SYNPO2: variants seen among roughly 807,000 people sequenced by gnomAD.
The protein encoded by SYNPO2 is synaptopodin-2.
Under a neutral mutation model 85.0 loss-of-function variants are expected in SYNPO2, and 56 were observed. The observed-to-expected ratio is 0.66, with a 90% CI of 0.53 to 0.82. SYNPO2 has a LOEUF of 0.82. Among genes scored for constraint, SYNPO2 ranks in the 40% least tolerant of loss-of-function variants. SYNPO2 has a pLI of 0.00. For synonymous variants in SYNPO2, 602 were observed against 591.1 expected, an observed-to-expected ratio of 1.02 and a Z score of -0.27; for missense variants, 1,575 against 1,534.2, an observed-to-expected ratio of 1.03 and a Z score of -0.44.
chr4:119,033,884 A>G (rs1738387547), intron 4 of SYNPO2: 1 of 985,230 alleles, frequency 1.0e-6, no homozygotes. Flanking sequence ...TGTAATCCTT[A>G]GGTATTTCTA....
At chr4:119,049,215 G>A (rs1288672487) in intron 4 of SYNPO2, among the ~76,000 whole-genome samples, 1 of 152,212 alleles carries the variant, frequency 6.6e-6, no homozygotes, top group East Asian at 1.9e-4. Context: ...GAGAATATCT[G>A]TGGTTTCTTC....
chr4:118,938,994 G>A (rs904405987), intron 1 of SYNPO2, among the ~76,000 whole-genome samples: 3 of 152,092 alleles, frequency 2.0e-5, no homozygotes, highest in Admixed American at 6.5e-5. Context: ...ACCTTCATCA[G>A]GGTACAGTAA....
intron 1 of SYNPO2, among the ~76,000 whole-genome samples, chr4:118,968,881 C>A (rs1446361452): frequency 6.6e-6 from 1 of 152,142 alleles, no homozygotes; most frequent in African/African-American, 2.4e-5. Context: ...AATTCCTTGG[C>A]CTTTGAACCC....
At chr4:119,034,360 G>T (rs1263082407) in intron 4 of SYNPO2, 2 of 976,616 alleles carry the variant, frequency 2.0e-6, no homozygotes, top group Non-Finnish European at 2.4e-6. Context: ...AGTATTTCCA[G>T]TTGTCTAGTG....
At chr4:118,933,829 G>GTTTTTTTT (rs71595334) in intron 1 of SYNPO2, among the ~76,000 whole-genome samples, 2,809 of 100,632 alleles carry the variant, frequency 0.028, 46 homozygotes, top group Non-Finnish European at 0.036. Context: ...TGTTGTTGTT[G>GTTTTTTTT]TTTTTTTTTT....
At chr4:119,056,486 G>A (rs776521373) in intron 4 of SYNPO2, among the ~76,000 whole-genome samples, 35 of 152,116 alleles carry the variant, frequency 2.3e-4, no homozygotes, top group Non-Finnish European at 4.0e-4. Flanking sequence ...GAGCCCAGGA[G>A]TTTGAGGCTG....
At chr4:118,868,552 A>G (rs891333530) in intron 1 of SYNPO2, among the ~76,000 whole-genome samples, 4 of 152,214 alleles carry the variant, frequency 2.6e-5, no homozygotes, top group Non-Finnish European at 4.4e-5. Context: ...ATTTTAAATC[A>G]TTTAAGAGAA....
At chr4:118,901,026 A>G (rs960219946) in intron 1 of SYNPO2, among the ~76,000 whole-genome samples, 2 of 151,994 alleles carry the variant, frequency 1.3e-5, no homozygotes, top group African/African-American at 4.8e-5. Flanking sequence ...TTATCCAACC[A>G]TACAGGAAAC....
At chr4:118,879,621 T>C (rs909813122) in intron 1 of SYNPO2, among the ~76,000 whole-genome samples, 1 of 152,078 alleles carries the variant, frequency 6.6e-6, no homozygotes, top group Non-Finnish European at 1.5e-5. Context: ...GGGAAACACA[T>C]TTTTGTGGTT....
intron 1 of SYNPO2, among the ~76,000 whole-genome samples, chr4:118,984,806 T>C (rs1736155432): frequency 6.6e-6 from 1 of 152,226 alleles, no homozygotes; most frequent in African/African-American, 2.4e-5. Context: ...TATCTTTGTA[T>C]ATTTTGCACT....
chr4:118,967,640 G>A (rs538595950), intron 1 of SYNPO2, among the ~76,000 whole-genome samples: 3 of 152,290 alleles, frequency 2.0e-5, no homozygotes, highest in East Asian at 3.9e-4. Flanking sequence ...TTGGGGAAAC[G>A]GGTATAGCAC....
rs147844053 is a variant in SYNPO2 at position 118,891,396 on chromosome 4, G to A, written c.105+2255G>A. Among the ~76,000 whole-genome samples, 331 of 152,220 alleles carry A rather than the reference G, an allele frequency of 2.2e-3. 1 individual carries two copies. The highest frequency in any genetic ancestry group is 6.8e-3 in the African/African-American group (282 of 41,552). On this transcript the variant is annotated intron_variant, in intron 1 of 4. Coordinates refer to ENST00000307142, the MANE Select transcript of SYNPO2 (RefSeq NM_133477.3). ...TCTACAGTCTACCTTTTGTCCATAC[G>A]TTAAAAAGACTAAAGAGCTATCTAT... is the stretch of plus-strand genomic sequence containing the variant.
intron 4 of SYNPO2, among the ~76,000 whole-genome samples, chr4:119,045,045 A>G (rs1171082224): frequency 6.6e-6 from 1 of 152,240 alleles, no homozygotes; most frequent in Non-Finnish European, 1.5e-5. Flanking sequence ...CAAGTTTGTT[A>G]CATGGTATGC....
At chr4:118,900,753 A>G (rs1578532365) in intron 1 of SYNPO2, among the ~76,000 whole-genome samples, 1 of 130,344 alleles carries the variant, frequency 7.7e-6, no homozygotes, top group South Asian at 2.4e-4. Flanking sequence ...CTATCTATCT[A>G]TCTATCTATC....
Position 119,032,554 on chromosome 4 carries a change from A to G in SYNPO2, c.3252+527A>G, listed in dbSNP as rs111504440. On this transcript the variant is annotated intron_variant, in intron 4 of 4. Coordinates refer to ENST00000307142, the MANE Select transcript of SYNPO2 (RefSeq NM_133477.3). ...GACAGGGAGCAGCTCTGGTCTGTCA[A>G]TCTCAGCCACCTGTTTGATATCACA... is the stretch of plus-strand genomic sequence containing the variant. The G allele has an allele frequency of 5.1e-3, 5,060 of 996,818 alleles. 22 individuals carry two copies. The highest frequency in any genetic ancestry group is 5.7e-3 in the Non-Finnish European group (4,786 of 835,590). 61.7% of individuals were successfully genotyped at this position (996,818 alleles called of 1,614,324 possible). A position where few individuals can be genotyped will look rare whatever the true frequency, so the allele number is the denominator to read the frequency against.
At chr4:118,999,716 G>A (rs1342957554) in intron 1 of SYNPO2, among the ~76,000 whole-genome samples, 3 of 152,094 alleles carry the variant, frequency 2.0e-5, no homozygotes, top group Non-Finnish European at 4.4e-5. Context: ...AGAATAATCA[G>A]GTGAAGGGCT....
chr4:119,030,396 GA>G lies in SYNPO2; in HGVS notation c.1623del (p.Glu542SerfsTer3). On this transcript the variant is annotated frameshift_variant, in exon 4 of 5. Transcript: ENST00000307142. LOFTEE classifies it high-confidence loss of function. ...RTTTSYQRKE[E>X]ESVRTQSSVS... ...CACGACTTCTTACCAAAGAAAGGAG[GA>G]AGAGTCGGTAAGAACGCAGAGCTCT... 6.2e-7 allele frequency: 1 copy of G among 1,614,148 alleles called. No individual in the cohort carries two copies. The highest frequency in any genetic ancestry group is 8.5e-7 in the Non-Finnish European group (1 of 1,180,024).
At chr4:119,038,464 G>C (rs1221488739) in intron 4 of SYNPO2, 3 of 985,168 alleles carry the variant, frequency 3.0e-6, no homozygotes, top group Admixed American at 1.2e-4. Flanking sequence ...TCGTTGGCTG[G>C]GAATGGGGAA....
At chr4:119,029,763 G>GGA in intron 3 of SYNPO2, 82 bp from the exon 4 acceptor site, 1 of 1,424,414 alleles carries the variant, frequency 7.0e-7, no homozygotes, top group Non-Finnish European at 9.3e-7. Flanking sequence ...TTTTCCCCCA[G>GGA]GAGAGTTCAT....
Sources: gnomAD v4.1 joint callset for allele counts (sites outside exome capture counted in the v4.1 genomes callset) on GRCh38, gnomAD v4.1.1 for gene constraint, MANE v1.5 for transcripts, NCBI Gene and HGNC (gene_info 2026-07-23, HGNC 2026-07-21) for gene names.